The following SLC2A13 variants were observed in gnomAD, a reference collection of about 807,000 sequenced individuals.
The protein encoded by SLC2A13 is solute carrier family 2 member 13, also known as proton myo-inositol cotransporter.
Under a neutral mutation model 64.4 loss-of-function variants are expected in SLC2A13, and 32 were observed. The ratio of observed to expected loss-of-function variants is 0.50; its 90% CI spans 0.37 to 0.67. The LOEUF (loss-of-function observed/expected upper bound fraction) is 0.67. Among genes scored for constraint, SLC2A13 ranks in the 30% least tolerant of loss-of-function variants. The probability of loss-of-function intolerance (pLI) is 0.00; values close to 1 mark genes in which losing one functional copy is unlikely to be tolerated. For synonymous variants in SLC2A13, 338 were observed against 327.1 expected (o/e 1.03, Z -0.36); for missense variants, 743 against 829.2 (o/e 0.90, Z 1.28).
At chr12:40,098,922 G>T (rs1939053177) in intron 1 of SLC2A13, among the ~76,000 whole-genome samples, 1 of 152,196 alleles carries the variant, frequency 6.6e-6, no homozygotes. Context: ...TCCCAGTGCA[G>T]CGGCAGGGTG....
chr12:39,836,580 C>G (rs1199195559), intron 6 of SLC2A13, among the ~76,000 whole-genome samples: 1 of 150,060 alleles, frequency 6.7e-6, no homozygotes, highest in Non-Finnish European at 1.5e-5. Context: ...GATTGTATAT[C>G]TAGAAAACCC....
At chr12:39,854,675 C>G (rs79870188) in intron 6 of SLC2A13, among the ~76,000 whole-genome samples, 2 of 152,164 alleles carry the variant, frequency 1.3e-5, no homozygotes, top group Non-Finnish European at 2.9e-5. Flanking sequence ...TCATGGTACC[C>G]TCCTTGCTTG....
At chr12:40,082,825 C>T (rs1360361429) in intron 1 of SLC2A13, among the ~76,000 whole-genome samples, 1 of 152,202 alleles carries the variant, frequency 6.6e-6, no homozygotes, top group Admixed American at 6.5e-5. Flanking sequence ...GAGTGGGCCA[C>T]TCCAAGCCTA....
At chr12:39,795,243 G>A (rs1330158970) in intron 7 of SLC2A13, among the ~76,000 whole-genome samples, 3 of 150,698 alleles carry the variant, frequency 2.0e-5, no homozygotes, top group Non-Finnish European at 4.4e-5. Flanking sequence ...GTTTCTTTGA[G>A]TTTCATTCAG....
intron 5 of SLC2A13, among the ~76,000 whole-genome samples, chr12:39,866,127 T>G (rs1301158309): frequency 6.6e-6 from 1 of 152,234 alleles, no homozygotes; most frequent in Non-Finnish European, 1.5e-5. Context: ...TTAGTAGTAG[T>G]TAAGGTTTTA....
At chr12:39,777,834 C>A (rs746816238) in intron 7 of SLC2A13, among the ~76,000 whole-genome samples, 10 of 152,200 alleles carry the variant, frequency 6.6e-5, no homozygotes, top group Non-Finnish European at 1.3e-4. Context: ...TCAATAAAAC[C>A]TTGCACTCAT....
chr12:39,810,656 C>T (rs1213735792), intron 7 of SLC2A13, among the ~76,000 whole-genome samples: 4 of 152,100 alleles, frequency 2.6e-5, no homozygotes, highest in African/African-American at 4.8e-5. Context: ...CCTTCCATTA[C>T]CAGCCTTCTG....
intron 1 of SLC2A13, among the ~76,000 whole-genome samples, chr12:40,083,992 C>T (rs554504459): frequency 6.6e-6 from 1 of 152,318 alleles, no homozygotes; most frequent in African/African-American, 2.4e-5. Context: ...CTTTAAAATG[C>T]ATTCACCTTT....
chr12:39,969,379 T>A (rs1210249612), intron 3 of SLC2A13, among the ~76,000 whole-genome samples: 6 of 152,192 alleles, frequency 3.9e-5, no homozygotes, highest in South Asian at 2.1e-4. Context: ...CGCCACACTG[T>A]CTTCCACAAT....
chr12:39,878,441 G>A (rs924434812), intron 4 of SLC2A13, among the ~76,000 whole-genome samples: 1 of 152,198 alleles, frequency 6.6e-6, no homozygotes, highest in Non-Finnish European at 1.5e-5. Flanking sequence ...AGGTAGAAAT[G>A]AGGAACTTAT....
At chr12:40,081,610 G>C (rs970561897) in intron 1 of SLC2A13, among the ~76,000 whole-genome samples, 1 of 152,048 alleles carries the variant, frequency 6.6e-6, no homozygotes, top group Non-Finnish European at 1.5e-5. Flanking sequence ...AGATTCCCTG[G>C]ATTCAGTTTC....
chr12:40,078,248 C>T (rs1031860665), intron 1 of SLC2A13, among the ~76,000 whole-genome samples: 2 of 152,050 alleles, frequency 1.3e-5, no homozygotes, highest in African/African-American at 4.8e-5. Context: ...GAAAATGATT[C>T]CAGGTTTTAC....
At chr12:40,041,960 A>C (rs530784964) in intron 2 of SLC2A13, among the ~76,000 whole-genome samples, 1 of 151,386 alleles carries the variant, frequency 6.6e-6, no homozygotes, top group South Asian at 2.1e-4. Context: ...CCCTGATCCT[A>C]CCCCCTCCTG....
chr12:39,775,573 CTT>C (rs768449970), intron 7 of SLC2A13, among the ~76,000 whole-genome samples: 11 of 152,192 alleles, frequency 7.2e-5, no homozygotes, highest in Non-Finnish European at 1.5e-4. Context: ...CTTTGAAGTT[CTT>C]TCTCTTATTC....
At chr12:40,051,925 AAATT>A (rs768824058) in intron 1 of SLC2A13, among the ~76,000 whole-genome samples, 14 of 152,190 alleles carry the variant, frequency 9.2e-5, no homozygotes, top group Non-Finnish European at 1.8e-4. Context: ...GGAGTACGGA[AAATT>A]GATTGCAGGG....
Position 40,079,463 on chromosome 12 carries a change from CT to C in SLC2A13, c.556+25789del, listed in dbSNP as rs562918998. 2.0e-5 allele frequency among the ~76,000 whole-genome samples: 3 copies of C among 152,284 alleles called. No individual in the cohort carries two copies. In the East Asian group the frequency reaches 5.8e-4, roughly 29 times the overall value. ...ATTTCTATTTTTATTGCACTGAGGT[CT>C]GAAAGACTGGTTGGTAGGGTTTTGT... On this transcript the variant is annotated intron_variant, in intron 1 of 9. Transcript: ENST00000280871.
intron 4 of SLC2A13, among the ~76,000 whole-genome samples, chr12:39,920,523 T>C (rs1269839631): frequency 1.3e-5 from 2 of 152,102 alleles, no homozygotes; most frequent in East Asian, 3.8e-4. Flanking sequence ...CCGAATAGTA[T>C]AGTAGAGCAT....
chr12:40,046,233 G>A lies in SLC2A13; in HGVS notation c.716+1818C>T, dbSNP rs150824866. ...CTTATCTAATCAATGGTAAAAAACA[G>A]ATTTGAATCCAGGTCTGTCTATGAT... On this transcript the variant is annotated intron_variant, in intron 2 of 9. Coordinates refer to ENST00000280871, the MANE Select transcript of SLC2A13 (RefSeq NM_052885.4). Among the ~76,000 whole-genome samples, 90 of 152,312 alleles carry A rather than the reference G, an allele frequency of 5.9e-4. 1 individual carries two copies. Among genetic ancestry groups the A allele is most frequent in the Admixed American group, 1.7e-3 (26 of 15,284 alleles).
At chr12:40,057,922 G>A (rs1327594457) in intron 1 of SLC2A13, among the ~76,000 whole-genome samples, 1 of 151,778 alleles carries the variant, frequency 6.6e-6, no homozygotes, top group Non-Finnish European at 1.5e-5. Context: ...ATTTTTAAGT[G>A]GTAAAAATAA....
Sources: allele counts gnomAD v4.1 joint callset (sites outside exome capture counted in the v4.1 genomes callset), GRCh38; gene constraint gnomAD v4.1.1; transcripts MANE v1.5; gene names NCBI Gene and HGNC (gene_info 2026-07-23, HGNC 2026-07-21).